Variants in LAMC3 observed in about 807,000 individuals in gnomAD.
LAMC3 encodes the protein laminin subunit gamma-3.
LAMC3 carries 128 observed loss-of-function variants against 173.8 expected under a neutral mutation model. The ratio of observed to expected loss-of-function variants is 0.74; its 90% CI spans 0.64 to 0.85. The LOEUF (loss-of-function observed/expected upper bound fraction) is 0.85. Ranked by LOEUF, LAMC3 falls within the 40% of genes least tolerant of loss-of-function variation. LAMC3 has a pLI of 0.00. For synonymous variants in LAMC3, 897 were observed against 909.1 expected, an observed-to-expected ratio of 0.99 and a Z score of 0.24; for missense variants, 2,022 against 2,156.0, an observed-to-expected ratio of 0.94 and a Z score of 1.23.
At position 131,026,470 on chromosome 9, in the gene LAMC3, G is replaced by C; in HGVS notation, c.559G>C (p.Val187Leu). The change falls in exon 2 of 28, where the codon GTG (valine) becomes CTG (leucine). Residue 187 changes from valine (V) to leucine (L), a missense_variant. Val to Leu is a conservative substitution (Grantham distance 32, BLOSUM62 1). Transcript: ENST00000361069. The surrounding 1 kb of genome is among the most constrained non-coding windows in gnomAD (Gnocchi z 4.8). ...QYLRPGEDER[V>L]AFCTSEFSDI... is the part of the protein sequence containing the mutation. ...CCTGCGCCCCGGCGAGGACGAGCGCGTGGCCTTCTGCACCTCTGAGTTCAG... is the reference window on the plus strand; with the variant it reads ...CCTGCGCCCCGGCGAGGACGAGCGCCTGGCCTTCTGCACCTCTGAGTTCAG... 6.2e-7 allele frequency: 1 copy of C among 1,613,382 alleles called. No individual in the cohort carries two copies. The highest frequency in any genetic ancestry group is 8.5e-7 in the Non-Finnish European group (1 of 1,179,774).
At chr9:131,064,588 C>CG (rs1224013453) in intron 13 of LAMC3, among the ~76,000 whole-genome samples, 3 of 150,010 alleles carry the variant, frequency 2.0e-5, no homozygotes, top group Non-Finnish European at 4.4e-5. Flanking sequence ...GCGTGAACCC[C>CG]GGGGGGCGGA....
intron 27 of LAMC3, among the ~76,000 whole-genome samples, chr9:131,089,070 G>C (rs1046011140): frequency 2.6e-5 from 4 of 151,384 alleles, no homozygotes; most frequent in African/African-American, 9.7e-5. Flanking sequence ...GGGTGAGAGT[G>C]AGACTCCGTC....
At chr9:131,041,568 C>T (rs1776219750) in intron 6 of LAMC3, 69 bp from the exon 7 acceptor site, 1 of 1,387,424 alleles carries the variant, frequency 7.2e-7, no homozygotes, top group African/African-American at 1.4e-5. Context: ...AGCTCCCTTC[C>T]TAGGATGGGC....
intron 2 of LAMC3, among the ~76,000 whole-genome samples, chr9:131,027,561 T>C (rs1346263450): frequency 6.6e-6 from 1 of 152,156 alleles, no homozygotes; most frequent in African/African-American, 2.4e-5. Context: ...CCATGAGATG[T>C]GGCCAGCGCA....
chr9:131,073,838 T>C (rs1588164966), intron 20 of LAMC3, among the ~76,000 whole-genome samples: 2 of 152,286 alleles, frequency 1.3e-5, no homozygotes, highest in African/African-American at 4.8e-5. Flanking sequence ...TTTCTGTCTC[T>C]ATAGATATGC....
intron 8 of LAMC3, among the ~76,000 whole-genome samples, chr9:131,046,462 G>A (rs1476963049): frequency 5.4e-5 from 8 of 147,054 alleles, no homozygotes; most frequent in Non-Finnish European, 1.0e-4. Flanking sequence ...GCCCACCTCC[G>A]CCTCCCAAAA....
intron 7 of LAMC3, 22 bp downstream of exon 7, chr9:131,041,757 T>G (rs768795972): frequency 2.5e-6 from 4 of 1,597,562 alleles, no homozygotes; most frequent in Non-Finnish European, 3.4e-6. Flanking sequence ...AATCCAGCAG[T>G]AAGCTTGCTG....
chr9:131,039,363 G>A (rs762525113), intron 6 of LAMC3, 115 bp downstream of exon 6: 96 of 878,976 alleles, frequency 1.1e-4, no homozygotes, highest in African/African-American at 1.5e-4. Context: ...CAGCTACCTC[G>A]CCCTAATCCT....
intron 2 of LAMC3, among the ~76,000 whole-genome samples, chr9:131,030,707 C>G (rs996679352): frequency 1.3e-5 from 2 of 152,236 alleles, no homozygotes; most frequent in African/African-American, 4.8e-5. Flanking sequence ...GCTCTGGTAT[C>G]CAGTTGGTTT....
At chr9:131,084,214 T>C (rs780855001) in intron 24 of LAMC3, among the ~76,000 whole-genome samples, 7 of 151,902 alleles carry the variant, frequency 4.6e-5, no homozygotes, top group South Asian at 2.1e-4. Flanking sequence ...TAAACTTCCT[T>C]TAGAATTTTT....
At chr9:131,081,413 C>T (rs1313922994) in intron 23 of LAMC3, among the ~76,000 whole-genome samples, 1 of 151,248 alleles carries the variant, frequency 6.6e-6, no homozygotes, top group Non-Finnish European at 1.5e-5. Flanking sequence ...TTTTCACATC[C>T]ACTTGCTGAG....
chr9:131,074,169 C>T (rs995510498), intron 20 of LAMC3, among the ~76,000 whole-genome samples: 10 of 150,876 alleles, frequency 6.6e-5, no homozygotes, highest in Non-Finnish European at 1.2e-4. Flanking sequence ...AGGATGATCT[C>T]GATCTCCTGA....
chr9:131,022,740 A>G (rs189705731), intron 1 of LAMC3, among the ~76,000 whole-genome samples: 3 of 151,498 alleles, frequency 2.0e-5, no homozygotes, highest in East Asian at 3.9e-4. Context: ...ATTTGTTCTT[A>G]TTTATTTATT....
At position 131,061,102 on chromosome 9, in the gene LAMC3, C is replaced by T; in HGVS notation, c.2226C>T (p.Gly742=). ...SCERCLPGFY[G]NPFAGQADDC... ...AACGCTGTTTGCCAGGTTTCTATGG[C>T]AACCCTTTCGCGGGCCAAGCCGACG... The change falls in exon 13 of 28, where the codon GGC becomes GGT. Residue 742 remains glycine (G), a synonymous_variant. Transcript: ENST00000361069. The T allele has an allele frequency of 6.2e-7, 1 of 1,614,068 alleles. No homozygotes were observed. Among genetic ancestry groups the T allele is most frequent in the South Asian group, 1.1e-5 (1 of 91,084 alleles).
rs1830055627 is a variant in LAMC3 at position 131,072,688 on chromosome 9, C to A, written c.3270C>A (p.Ala1090=). The A allele has an allele frequency of 6.2e-7, 1 of 1,611,942 alleles. No homozygotes were observed. The highest frequency in any genetic ancestry group is 8.5e-7 in the Non-Finnish European group (1 of 1,179,870). Residue 1090 remains alanine (A), a synonymous_variant, in exon 19 of 28, where the codon GCC becomes GCA. Coordinates refer to ENST00000361069, the MANE Select transcript of LAMC3 (RefSeq NM_006059.4). ...GCCTCGAGGGTGCTGTCAAGGCCGCCCGGGAGCAGCTGCAGAGGCTGAACA... is the reference window on the plus strand; with the variant it reads ...GCCTCGAGGGTGCTGTCAAGGCCGCACGGGAGCAGCTGCAGAGGCTGAACA... ...MMSLEGAVKA[A]REQLQRLNKG...
intron 12 of LAMC3, among the ~76,000 whole-genome samples, chr9:131,059,505 AAAAAAAAAAAAAAAG>A (rs1314174048): frequency 2.8e-5 from 4 of 143,648 alleles, no homozygotes; most frequent in African/African-American, 1.0e-4. Context: ...AAAAAAAAAA[AAAAAAAAAAAAAAAG>A]ACGTCAGCTG....
chr9:131,068,137 G>T lies in LAMC3; in HGVS notation c.2653G>T (p.Gly885Cys). 1 of 1,613,288 alleles carries T rather than the reference G, an allele frequency of 6.2e-7. No individual in the cohort carries two copies. The change falls in exon 15 of 28, where the codon GGC becomes TGC. Residue 885 changes from glycine to cysteine, a missense_variant. Gly to Cys is a radical substitution (Grantham distance 159, BLOSUM62 -3). Transcript: ENST00000361069. ...GCAGATGCCCTGCGACCCAGTGACA[G>T]GCCAATGCTCCTGCCTGCCTCATGT... Reference protein sequence around the residue: ...SEQMPCDPVTGQCSCLPHVTA... With the variant: ...SEQMPCDPVTCQCSCLPHVTA...
intron 6 of LAMC3, among the ~76,000 whole-genome samples, chr9:131,040,015 CT>C (rs35416772): frequency 0.019 from 2,429 of 127,250 alleles, 59 homozygotes; most frequent in African/African-American, 0.063. Context: ...AATTTAGAAG[CT>C]TTTTTTTTTT....
intron 1 of LAMC3, among the ~76,000 whole-genome samples, chr9:131,012,052 CACACACACAT>C (rs1170179829): frequency 3.8e-5 from 5 of 130,316 alleles, no homozygotes; most frequent in Admixed American, 7.7e-5. Flanking sequence ...AGAGCGAACA[CACACACACAT>C]ACACACACAC....
Sources: allele counts gnomAD v4.1 joint callset (sites outside exome capture counted in the v4.1 genomes callset), GRCh38; gene constraint gnomAD v4.1.1; non-coding constraint Gnocchi (gnomAD v3.1); transcripts MANE v1.5; gene names NCBI Gene and HGNC (gene_info 2026-07-23, HGNC 2026-07-21).